The following MAD1L1 variants were observed in gnomAD, a reference collection of about 807,000 sequenced individuals.
The protein encoded by MAD1L1 is mitotic arrest deficient 1 like 1.
In MAD1L1, 95 loss-of-function variants were observed where a neutral mutation model predicts 96.9. The ratio of observed to expected loss-of-function variants is 0.98; its 90% CI spans 0.83 to 1.16. The LOEUF (loss-of-function observed/expected upper bound fraction) is 1.16, where lower values mean the gene tolerates loss of function less well. Ranked by LOEUF, MAD1L1 falls within the 50% of genes most tolerant of loss-of-function variation. The pLI is 0.00. For missense variants in MAD1L1, 1,007 were observed against 954.4 expected, an observed-to-expected ratio of 1.06 and a Z score of -0.73; for synonymous variants, 473 against 396.6, an observed-to-expected ratio of 1.19 and a Z score of -2.29.
intron 15 of MAD1L1, among the ~76,000 whole-genome samples, chr7:1,960,950 A>G (rs1212435642): frequency 6.6e-6 from 1 of 152,254 alleles, no homozygotes; most frequent in Non-Finnish European, 1.5e-5. Flanking sequence ...TAGGACCATC[A>G]TGGAATTAAA....
At position 1,887,616 on chromosome 7, in the gene MAD1L1, T is replaced by C. The variant is rs543112878; in HGVS notation, c.1998+10584A>G. ...CCATGCATGCGTGTATGTGGCTGCC[T>C]GTGCATGGGCATGTGTGTGCATGCA... On this transcript the variant is annotated intron_variant, in intron 18 of 18. Coordinates refer to ENST00000265854, the MANE Select transcript of MAD1L1 (RefSeq NM_001013836.2). 3.3e-5 allele frequency among the ~76,000 whole-genome samples: 5 copies of C among 150,878 alleles called. No individual in the cohort carries two copies. The South Asian group carries it at 1.1e-3, about 32-fold the overall frequency.
chr7:2,022,519 C>G (rs1036132042), intron 12 of MAD1L1, among the ~76,000 whole-genome samples: 1 of 151,560 alleles, frequency 6.6e-6, no homozygotes, highest in African/African-American at 2.4e-5. Context: ...CCACTGTACC[C>G]CAGCCTGGGC....
intron 11 of MAD1L1, among the ~76,000 whole-genome samples, chr7:2,077,895 G>A (rs552028003): frequency 1.5e-3 from 234 of 152,342 alleles, no homozygotes; most frequent in African/African-American, 5.4e-3. Flanking sequence ...GGCGCCCGTC[G>A]GGGAGCCTCG....
chr7:2,142,828 T>C lies in MAD1L1; in HGVS notation c.1073+6324A>G, dbSNP rs565123501. ...TGCTGGGAACACATGGCTGAGGCCA[T>C]GGTCAGTTCAAGGGCAGGCCAGAAC... On this transcript the variant is annotated intron_variant, in intron 11 of 18. Transcript: ENST00000265854. The surrounding 1 kb of genome is among the most constrained non-coding windows in gnomAD (Gnocchi z 4.7). Among the ~76,000 whole-genome samples the C allele has an allele frequency of 6.6e-6, 1 of 152,328 alleles. No homozygotes were observed. Among genetic ancestry groups the C allele is most frequent in the African/African-American group, 2.4e-5 (1 of 41,584 alleles).
chr7:1,902,859 G>A lies in MAD1L1; in HGVS notation c.1808-4469C>T, dbSNP rs566503853. ...AGTGGCCTATGGAAGACGCTCTTGCGGAACTCATGATTGATGAAGCACTGT... is the reference window on the plus strand; with the variant it reads ...AGTGGCCTATGGAAGACGCTCTTGCAGAACTCATGATTGATGAAGCACTGT... On this transcript the variant is annotated intron_variant, in intron 17 of 18. Coordinates refer to ENST00000265854, the MANE Select transcript of MAD1L1 (RefSeq NM_001013836.2). Among the ~76,000 whole-genome samples the A allele has an allele frequency of 5.3e-4, 80 of 149,674 alleles. No individual in the cohort carries two copies. In the East Asian group the frequency reaches 7.2e-3, roughly 13 times the overall value.
chr7:1,945,292 A>G (rs1019140764), intron 16 of MAD1L1, among the ~76,000 whole-genome samples: 2 of 152,250 alleles, frequency 1.3e-5, no homozygotes, highest in Admixed American at 1.3e-4. Flanking sequence ...CCACCACCAC[A>G]GCCCCAGCAC....
intron 16 of MAD1L1, among the ~76,000 whole-genome samples, chr7:1,952,723 G>A (rs546550876): frequency 6.6e-6 from 1 of 152,294 alleles, no homozygotes; most frequent in Admixed American, 6.5e-5. Flanking sequence ...GAGGCCCTCA[G>A]GGCACAGAGA....
chr7:2,205,084 CTTTTTTTTT>C (rs56101356), intron 10 of MAD1L1, among the ~76,000 whole-genome samples: 13 of 103,862 alleles, frequency 1.3e-4, no homozygotes, highest in South Asian at 3.4e-4. Context: ...AGGATCTTTT[CTTTTTTTTT>C]TTTTTTTTTT....
intron 12 of MAD1L1, among the ~76,000 whole-genome samples, chr7:2,066,619 C>T (rs577418211): frequency 3.9e-5 from 6 of 152,306 alleles, no homozygotes; most frequent in African/African-American, 1.4e-4. Flanking sequence ...CTGCCCTGAG[C>T]GGGCCGGGGT....
intron 9 of MAD1L1, among the ~76,000 whole-genome samples, chr7:2,214,781 G>A (rs1374541985): frequency 1.3e-5 from 2 of 152,204 alleles, no homozygotes; most frequent in Admixed American, 6.5e-5. Context: ...TTCCAGCACT[G>A]ACACCTTCCT....
chr7:2,222,499 A>C lies in MAD1L1; in HGVS notation c.471+76T>G, dbSNP rs1023611324. 162 of 1,325,132 alleles carry C rather than the reference A, an allele frequency of 1.2e-4. 4 individuals carry two copies. In the Admixed American group the frequency reaches 3.9e-3, roughly 32 times the overall value. The allele number at this position is 1,325,132 out of a possible 1,614,324, so 82.1% of individuals were successfully genotyped here. On this transcript the variant is annotated intron_variant, in intron 5 of 18. Coordinates refer to ENST00000265854, the MANE Select transcript of MAD1L1 (RefSeq NM_001013836.2). Reference sequence around the variant, plus strand: ...AGCACAAGTGAAAACACAAGCGGGCACTGCAGTGGCAAACAAGAGCATGCA... The same window carrying C: ...AGCACAAGTGAAAACACAAGCGGGCCCTGCAGTGGCAAACAAGAGCATGCA...
intron 10 of MAD1L1, among the ~76,000 whole-genome samples, chr7:2,172,856 G>A (rs1321510823): frequency 3.3e-5 from 5 of 152,210 alleles, no homozygotes; most frequent in Non-Finnish European, 5.9e-5. Flanking sequence ...AGAGGTGCTC[G>A]AGGCTGCCCC....
At chr7:2,196,897 T>C (rs981699024) in intron 10 of MAD1L1, among the ~76,000 whole-genome samples, 1 of 152,092 alleles carries the variant, frequency 6.6e-6, no homozygotes, top group African/African-American at 2.4e-5. Context: ...CTCCCCACAC[T>C]TCGGGGCTGC....
chr7:1,911,202 C>A (rs1036698098), intron 17 of MAD1L1, among the ~76,000 whole-genome samples: 1 of 152,146 alleles, frequency 6.6e-6, no homozygotes, highest in African/African-American at 2.4e-5. Context: ...ACTCAACACC[C>A]GCTGGACACC....
chr7:2,127,920 G>A (rs956067903), intron 11 of MAD1L1, among the ~76,000 whole-genome samples: 1 of 152,190 alleles, frequency 6.6e-6, no homozygotes, highest in African/African-American at 2.4e-5. Flanking sequence ...ACCAGCGGCT[G>A]TGACCTCAAG....
At chr7:1,862,217 T>C (rs536667383) in intron 18 of MAD1L1, among the ~76,000 whole-genome samples, 32 of 152,238 alleles carry the variant, frequency 2.1e-4, no homozygotes, top group African/African-American at 7.2e-4. Context: ...GTTGGTCTCC[T>C]CAGCACACCG....
chr7:1,979,512 C>A (rs562825660), intron 15 of MAD1L1, among the ~76,000 whole-genome samples: 2 of 152,276 alleles, frequency 1.3e-5, no homozygotes, highest in Non-Finnish European at 2.9e-5. Flanking sequence ...AGCGCCAACA[C>A]AGGCACCAAA....
At chr7:1,943,599 A>AAGTC (rs896989172) in intron 16 of MAD1L1, among the ~76,000 whole-genome samples, 13 of 152,186 alleles carry the variant, frequency 8.5e-5, no homozygotes, top group Admixed American at 8.5e-4. Flanking sequence ...GACGGCTGGG[A>AAGTC]AGTCACGCAA....
intron 14 of MAD1L1, among the ~76,000 whole-genome samples, chr7:1,983,162 A>G (rs1260642030): frequency 4.4e-5 from 5 of 114,136 alleles, no homozygotes; most frequent in African/African-American, 1.2e-4. Context: ...GCGCACACAC[A>G]CACACACACA....
Sources: gnomAD v4.1 joint callset for allele counts (sites outside exome capture counted in the v4.1 genomes callset) on GRCh38, gnomAD v4.1.1 for gene constraint, Gnocchi (gnomAD v3.1) non-coding constraint, MANE v1.5 for transcripts, NCBI Gene and HGNC (gene_info 2026-07-23, HGNC 2026-07-21) for gene names.